Variants in ELK3 observed in about 807,000 individuals in gnomAD.
ELK3 encodes the protein ETS transcription factor ELK3.
A neutral mutation model predicts 28.9 loss-of-function variants in ELK3; 10 were observed. That is an observed-to-expected ratio of 0.35 (90% CI 0.21 to 0.59). The LOEUF is 0.59. ELK3 is among the 20% of genes least tolerant of loss of function. The pLI is 0.82. For missense variants in ELK3, 463 were observed against 517.3 expected (o/e 0.90, Z 1.02); for synonymous variants, 272 against 243.5 (o/e 1.12, Z -1.09).
At chr12:96,246,028 A>C (rs1267335836) in intron 2 of ELK3, among the ~76,000 whole-genome samples, 2 of 152,192 alleles carry the variant, frequency 1.3e-5, no homozygotes, top group Non-Finnish European at 2.9e-5. Context: ...AAAAAATAAA[A>C]ATTAAAAAGG....
intron 4 of ELK3, among the ~76,000 whole-genome samples, chr12:96,264,232 GC>G (rs1205321281): frequency 1.3e-5 from 2 of 152,096 alleles, no homozygotes; most frequent in Non-Finnish European, 2.9e-5. Flanking sequence ...CAGTCCTCCT[GC>G]TTTAGCTTCC....
At chr12:96,201,194 TG>T (rs531049389) in intron 1 of ELK3, among the ~76,000 whole-genome samples, 3 of 152,340 alleles carry the variant, frequency 2.0e-5, no homozygotes, top group Non-Finnish European at 4.4e-5. Context: ...CTGTATTACC[TG>T]ATATCCGCAA....
chr12:96,218,852 G>T (rs1951641013), intron 1 of ELK3, among the ~76,000 whole-genome samples: 1 of 152,060 alleles, frequency 6.6e-6, no homozygotes, highest in Admixed American at 6.6e-5. Flanking sequence ...GTTTCACTGT[G>T]TTAGCCGGGA....
Position 96,269,789 on chromosome 12 carries a change from T to G in ELK3, c.*2609T>G, listed in dbSNP as rs1401568483. 6.6e-6 allele frequency: 1 copy of G among 152,238 alleles called. No individual in the cohort carries two copies. The highest frequency in any genetic ancestry group is 1.9e-4 in the East Asian group (1 of 5,198). The allele number at this position is 152,238 out of a possible 1,614,324, so 9.4% of individuals were successfully genotyped here. ...TTATGTATCATTTTTACTGTCATATTATTTTTGTTCAATAAAAACTTTGTG... is the reference window on the plus strand; with the variant it reads ...TTATGTATCATTTTTACTGTCATATGATTTTTGTTCAATAAAAACTTTGTG... On this transcript the variant is annotated 3_prime_UTR_variant, in exon 5 of 5. Coordinates refer to ENST00000228741, the MANE Select transcript of ELK3 (RefSeq NM_005230.4).
intron 1 of ELK3, among the ~76,000 whole-genome samples, chr12:96,216,431 G>T (rs1951619258): frequency 6.6e-6 from 1 of 152,160 alleles, no homozygotes; most frequent in South Asian, 2.1e-4. Flanking sequence ...GATTTTTTGT[G>T]CTTTCATATT....
At chr12:96,205,393 A>G (rs1297109239) in intron 1 of ELK3, among the ~76,000 whole-genome samples, 4 of 152,124 alleles carry the variant, frequency 2.6e-5, no homozygotes, top group South Asian at 4.1e-4. Context: ...CTGGGAGGCA[A>G]TTTATTTCTG....
At chr12:96,253,295 A>G (rs574252321) in intron 3 of ELK3, among the ~76,000 whole-genome samples, 2 of 152,194 alleles carry the variant, frequency 1.3e-5, no homozygotes, top group Admixed American at 6.5e-5. Flanking sequence ...AAAAGAGTCA[A>G]TCAATGTGGC....
In ELK3 at chr12:96,268,772, C is replaced by T. The variant is rs1058098; in HGVS notation, c.*1592C>T. 1.3e-5 allele frequency: 2 copies of T among 152,256 alleles called. No homozygotes were observed. The highest frequency in any genetic ancestry group is 6.5e-5 in the Admixed American group (1 of 15,294). 9.4% of individuals were successfully genotyped at this position (152,256 alleles called of 1,614,324 possible). A position where few individuals can be genotyped will look rare whatever the true frequency, so the allele number is the denominator to read the frequency against. On this transcript the variant is annotated 3_prime_UTR_variant, in exon 5 of 5. Transcript: ENST00000228741. ...AAAAATCTAGACTATTGCTTTGACA[C>T]TTAGAAATTCTGAGGTTTTTCAATT...
At chr12:96,213,924 G>A (rs56105012) in intron 1 of ELK3, 79,491 of 143,800 alleles carry the variant, frequency 0.55, 21,609 homozygotes, top group African/African-American at 0.69. Context: ...TGGGGGTCTC[G>A]TGTTGCCCAG....
At chr12:96,244,696 A>G (rs1565788114) in intron 2 of ELK3, among the ~76,000 whole-genome samples, 1 of 152,194 alleles carries the variant, frequency 6.6e-6, no homozygotes, top group African/African-American at 2.4e-5. Context: ...ACTAAAAATA[A>G]CTTAAAATTT....
rs781065521 is a variant in ELK3, at chr12:96,267,394, T to C, written c.*214T>C. ...GAAAATCTGTTTGGCATTAAGTGAA[T>C]TTTAATGTTTTTGTTTTTATATCCT... On this transcript the variant is annotated 3_prime_UTR_variant, in exon 5 of 5. Transcript: ENST00000228741. The C allele has an allele frequency of 1.6e-5, 7 of 434,320 alleles. No homozygotes were observed. The highest frequency in any genetic ancestry group is 4.1e-5 in the Admixed American group (1 of 24,246). 26.9% of individuals were successfully genotyped at this position (434,320 alleles called of 1,614,324 possible).
Position 96,233,840 on chromosome 12 carries a change from C to T in ELK3, c.207+10067C>T, listed in dbSNP as rs528658506. Among the ~76,000 whole-genome samples the T allele has an allele frequency of 3.3e-5, 5 of 152,300 alleles. No homozygotes were observed. The East Asian group carries it at 5.8e-4, about 18-fold the overall frequency. ...ACTCCCTTTGGGGTGTTTTATCGAT[C>T]GAGGGGGCCCTCTGTGCCCGGCCCT... On this transcript the variant is annotated intron_variant, in intron 2 of 4. Transcript: ENST00000228741.
At chr12:96,264,080 G>A (rs1165490867) in intron 4 of ELK3, among the ~76,000 whole-genome samples, 1 of 152,080 alleles carries the variant, frequency 6.6e-6, no homozygotes, top group South Asian at 2.1e-4. Flanking sequence ...GGGCTCAAGC[G>A]ATCCTCCCAC....
rs1951816422 is a variant in ELK3, at chr12:96,240,890, C to A, written c.208-6050C>A. The stretch of plus-strand genomic sequence containing the variant: ...AGCACGTGAACTCCAGATGCATAAC[C>A]TTGGATCAAAATTGGGGTGCCAGAC... On this transcript the variant is annotated intron_variant, in intron 2 of 4. Transcript: ENST00000228741. Among the ~76,000 whole-genome samples the A allele has an allele frequency of 2.0e-5, 3 of 152,172 alleles. No homozygotes were observed. The South Asian group carries it at 6.2e-4, about 32-fold the overall frequency.
intron 1 of ELK3, among the ~76,000 whole-genome samples, chr12:96,219,870 T>C (rs951004495): frequency 6.6e-6 from 1 of 151,928 alleles, no homozygotes; most frequent in Non-Finnish European, 1.5e-5. Flanking sequence ...AACTGGTGGA[T>C]CCACCAGGTT....
At chr12:96,238,049 A>C (rs1837732777) in intron 2 of ELK3, among the ~76,000 whole-genome samples, 1 of 152,216 alleles carries the variant, frequency 6.6e-6, no homozygotes, top group Non-Finnish European at 1.5e-5. Flanking sequence ...ACATCTGTGA[A>C]GTGGGTATCA....
Position 96,223,669 on chromosome 12 carries a change from C to T in ELK3, c.103C>T (p.Leu35Phe). 1 of 1,614,124 alleles carries T rather than the reference C, an allele frequency of 6.2e-7. No homozygotes were observed. Among genetic ancestry groups the T allele is most frequent in the Non-Finnish European group, 8.5e-7 (1 of 1,180,032 alleles). Residue 35 changes from leucine (L) to phenylalanine (F), a missense_variant, in exon 2 of 5, where the codon CTC (leucine) becomes TTC (phenylalanine). Transcript: ENST00000228741. ...GACCTCGAACGATGGTGAATTCAAGCTCCTCAAAGCAGAAGAAGTGGCCAA... is the reference window on the plus strand; with the variant it reads ...GACCTCGAACGATGGTGAATTCAAGTTCCTCAAAGCAGAAGAAGTGGCCAA... ...CWTSNDGEFK[L>F]LKAEEVAKLW... is the part of the protein sequence containing the mutation.
intron 1 of ELK3, among the ~76,000 whole-genome samples, chr12:96,209,963 A>G (rs1951565372): frequency 6.6e-6 from 1 of 151,746 alleles, no homozygotes; most frequent in African/African-American, 2.4e-5. Flanking sequence ...AAGATCACAC[A>G]ACTTTTTAAG....
chr12:96,259,822 C>T lies in ELK3; in HGVS notation c.1094C>T (p.Ala365Val). Residue 365 changes from alanine to valine, a missense_variant, in exon 4 of 5, where the codon GCC becomes GTC. This residue lies in a region of ELK3 where 408 missense variants were observed against 414.8 expected (regional missense o/e 0.98). Coordinates refer to ENST00000228741, the MANE Select transcript of ELK3 (RefSeq NM_005230.4). ...AGTCCAGTTGCTCCGCTGAGTCCTG[C>T]CAGGCTGCAAGGGCCAAGCACGCTG... is the stretch of plus-strand genomic sequence containing the variant. ...SLSPVAPLSP[A>V]RLQGPSTLFQ... is the part of the protein sequence containing the mutation. 6.2e-7 allele frequency: 1 copy of T among 1,606,778 alleles called. No homozygotes were observed. The highest frequency in any genetic ancestry group is 1.7e-5 in the Admixed American group (1 of 59,642).
Sources: allele counts gnomAD v4.1 joint callset (sites outside exome capture counted in the v4.1 genomes callset), GRCh38; gene constraint gnomAD v4.1.1; regional missense constraint gnomAD v4.1.1; transcripts MANE v1.5; gene names NCBI Gene and HGNC (gene_info 2026-07-23, HGNC 2026-07-21).